STARD6: variants seen among roughly 807,000 people sequenced by gnomAD.
STARD6 encodes the protein stAR-related lipid transfer protein 6.
Under a neutral mutation model 22.3 loss-of-function variants are expected in STARD6, and 21 were observed. That is an observed-to-expected ratio of 0.94 (90% CI 0.67 to 1.35). The LOEUF (loss-of-function observed/expected upper bound fraction) is 1.35. STARD6 is among the 40% of genes most tolerant of loss of function. The probability of loss-of-function intolerance (pLI) is 0.00; values close to 1 mark genes in which losing one functional copy is unlikely to be tolerated. For synonymous variants in STARD6, 80 were observed against 88.1 expected, an observed-to-expected ratio of 0.91 and a Z score of 0.52; for missense variants, 269 against 266.9, an observed-to-expected ratio of 1.01 and a Z score of -0.05.
chr18:54,356,501 ATTTGATAATTT>A (rs2144702700), intron 1 of STARD6, 57 bp from the exon 2 acceptor site: 1 of 152,330 alleles, frequency 6.6e-6, no homozygotes, highest in Admixed American at 6.5e-5. Flanking sequence ...AGGTCAATAT[ATTTGATAATTT>A]TCTTTATATC....
Position 54,324,526 on chromosome 18 carries a change from G to A in STARD6, c.*166C>T, listed in dbSNP as rs764522725. The stretch of plus-strand genomic sequence containing the variant: ...AAACGGTATTTAATGCCATATTCTT[G>A]TACAACTATGAGTTCTTATTTTTAT... On this transcript the variant is annotated 3_prime_UTR_variant, in exon 8 of 8. Coordinates refer to ENST00000307844, the MANE Select transcript of STARD6 (RefSeq NM_139171.2). 11 of 545,518 alleles carry A rather than the reference G, an allele frequency of 2.0e-5. No individual in the cohort carries two copies. The highest frequency in any genetic ancestry group is 1.6e-4 in the African/African-American group (8 of 50,356). The allele number at this position is 545,518 out of a possible 1,614,324, so 33.8% of individuals were successfully genotyped here.
intron 1 of STARD6, chr18:54,357,062 T>C (rs2089154236): frequency 6.6e-6 from 1 of 152,264 alleles, no homozygotes; most frequent in African/African-American, 2.4e-5. Context: ...TACATGGTGG[T>C]GGAACGTCGG....
intron 4 of STARD6, among the ~76,000 whole-genome samples, chr18:54,339,940 A>T (rs145192503): frequency 3.8e-4 from 58 of 152,286 alleles, no homozygotes; most frequent in Middle Eastern, 3.4e-3. Flanking sequence ...TTGACAATAA[A>T]CACAACAGAG....
At chr18:54,353,361 A>C (rs1289320733) in intron 4 of STARD6, among the ~76,000 whole-genome samples, 1 of 152,186 alleles carries the variant, frequency 6.6e-6, no homozygotes, top group East Asian at 1.9e-4. Flanking sequence ...ATACAGAAAA[A>C]AATGCATATT....
At chr18:54,325,800 T>C (rs576681906) in intron 7 of STARD6, among the ~76,000 whole-genome samples, 15 of 152,258 alleles carry the variant, frequency 9.9e-5, no homozygotes, top group African/African-American at 3.6e-4. Flanking sequence ...TCCTCCCACT[T>C]CGGCCTCCCA....
rs184138972 is a variant in STARD6, at chr18:54,331,604, G to A, written c.385+138C>T. The stretch of plus-strand genomic sequence containing the variant: ...GTCACTAGGCATATCTACATGATAC[G>A]TCTAATTGTTGATCCCACTAAGTAA... On this transcript the variant is annotated intron_variant, in intron 6 of 7. Coordinates refer to ENST00000307844, the MANE Select transcript of STARD6 (RefSeq NM_139171.2). The A allele has an allele frequency of 3.6e-5, 23 of 635,986 alleles. No homozygotes were observed. In the Admixed American group the frequency reaches 5.4e-4, roughly 15 times the overall value. The allele number at this position is 635,986 out of a possible 1,614,324, so 39.4% of individuals were successfully genotyped here.
intron 4 of STARD6, among the ~76,000 whole-genome samples, chr18:54,350,571 G>A (rs963599363): frequency 1.3e-5 from 2 of 152,138 alleles, no homozygotes; most frequent in African/African-American, 2.4e-5. Flanking sequence ...CCAATGTCTA[G>A]AAGAGTTTTC....
intron 4 of STARD6, among the ~76,000 whole-genome samples, chr18:54,343,164 G>A (rs1683732113): frequency 2.5e-5 from 1 of 40,778 alleles, no homozygotes; most frequent in Admixed American, 1.7e-4. Flanking sequence ...CCCCGTCTGG[G>A]AGGTGAGGAG....
intron 4 of STARD6, among the ~76,000 whole-genome samples, chr18:54,339,762 A>C (rs1327280958): frequency 6.6e-6 from 1 of 152,232 alleles, no homozygotes; most frequent in East Asian, 1.9e-4. Flanking sequence ...GACACAAAAT[A>C]GTAAGTCAAA....
chr18:54,343,984 G>A (rs1168156968), intron 4 of STARD6, among the ~76,000 whole-genome samples: 4 of 50,410 alleles, frequency 7.9e-5, no homozygotes, highest in East Asian at 5.0e-4. Context: ...CAGCTGCCCC[G>A]TCCGGGAGGT....
intron 4 of STARD6, among the ~76,000 whole-genome samples, chr18:54,343,677 G>T (rs1433737411): frequency 7.9e-5 from 3 of 38,166 alleles, no homozygotes; most frequent in Non-Finnish European, 1.5e-4. Context: ...GAGGTGGGGG[G>T]GTCGGCCCCC....
chr18:54,324,867 G>T lies in STARD6; in HGVS notation c.488C>A (p.Ala163Glu). The change falls in exon 8 of 8, where the codon GCA becomes GAA. Residue 163 changes from alanine (A) to glutamate (E), a missense_variant. By Grantham distance (107) the Ala-to-Glu change is moderately radical (BLOSUM62 -1). Coordinates refer to ENST00000307844, the MANE Select transcript of STARD6 (RefSeq NM_139171.2). ...GACAAACATCACTAGTTTGGAATAT[G>T]CTGGGTTTCTGTAAGCAAAAGAAGA... The part of the protein sequence containing the change: ...FVCSPMEENP[A>E]YSKLVMFVQT... 1.9e-6 allele frequency: 3 copies of T among 1,538,636 alleles called. No individual in the cohort carries two copies. The highest frequency in any genetic ancestry group is 2.4e-5 in the East Asian group (1 of 42,356).
At chr18:54,338,923 C>T (rs901148237) in intron 4 of STARD6, among the ~76,000 whole-genome samples, 1 of 151,702 alleles carries the variant, frequency 6.6e-6, no homozygotes, top group African/African-American at 2.4e-5. Flanking sequence ...TGGCATGTGC[C>T]TGTCATCCCA....
intron 3 of STARD6, 163 bp from the exon 4 acceptor site, chr18:54,354,266 G>T: frequency 3.2e-6 from 2 of 629,592 alleles, no homozygotes; most frequent in East Asian, 5.5e-5. Context: ...TGCCCAGTCT[G>T]TAGTGTACTG....
At position 54,355,350 on chromosome 18, in the gene STARD6, C is replaced by A. The variant is rs80177943; in HGVS notation, c.-4-773G>T. On this transcript the variant is annotated intron_variant, in intron 2 of 7. Coordinates refer to ENST00000307844, the MANE Select transcript of STARD6 (RefSeq NM_139171.2). ...AGTTTAAATCAACTCAATTTAAACACATTGAACCCTGCTTGAAGTTAGAAA... is the reference window on the plus strand; with the variant it reads ...AGTTTAAATCAACTCAATTTAAACAAATTGAACCCTGCTTGAAGTTAGAAA... Among the ~76,000 whole-genome samples, 269 of 152,218 alleles carry A rather than the reference C, an allele frequency of 1.8e-3. 1 individual carries two copies. The highest frequency in any genetic ancestry group is 5.8e-3 in the African/African-American group (242 of 41,540).
In STARD6 at chr18:54,327,789, C is replaced by G. The variant is rs190293014; in HGVS notation, c.479+1558G>C. 2.4e-3 allele frequency among the ~76,000 whole-genome samples: 360 copies of G among 152,012 alleles called. 1 individual carries two copies. The highest frequency in any genetic ancestry group is 2.5e-3 in the Non-Finnish European group (171 of 67,942). On this transcript the variant is annotated intron_variant, in intron 7 of 7. Coordinates refer to ENST00000307844, the MANE Select transcript of STARD6 (RefSeq NM_139171.2). ...TAGTGTGAGCGTCCATTTTCTTATA[C>G]TTTTCTCTATGCAGGGTTTATACTA...
At chr18:54,342,423 G>C (rs939220996) in intron 4 of STARD6, among the ~76,000 whole-genome samples, 16 of 118,220 alleles carry the variant, frequency 1.4e-4, no homozygotes, top group African/African-American at 5.5e-4. Context: ...AATGCTCTCC[G>C]TCTCCCTCTC....
rs548932287 is a variant in STARD6 at position 54,345,040 on chromosome 18, C to A, written c.141-7789G>T. Among the ~76,000 whole-genome samples, 3 of 152,246 alleles carry A rather than the reference C, an allele frequency of 2.0e-5. No homozygotes were observed. In the East Asian group the frequency reaches 5.8e-4, roughly 29 times the overall value. ...GCTATTAAACATTGTATTGGAGGTA[C>A]TAGCCCAGGCAGTTAGGTTAGAAAA... On this transcript the variant is annotated intron_variant, in intron 4 of 7. Coordinates refer to ENST00000307844, the MANE Select transcript of STARD6 (RefSeq NM_139171.2).
At chr18:54,332,726 G>A (rs1006633813) in intron 5 of STARD6, among the ~76,000 whole-genome samples, 1 of 152,154 alleles carries the variant, frequency 6.6e-6, no homozygotes, top group African/African-American at 2.4e-5. Flanking sequence ...CTCACCAGTA[G>A]GTTGAAGAGG....
Sources: gnomAD v4.1 joint callset for allele counts (sites outside exome capture counted in the v4.1 genomes callset) on GRCh38, gnomAD v4.1.1 for gene constraint, MANE v1.5 for transcripts, NCBI Gene and HGNC (gene_info 2026-07-23, HGNC 2026-07-21) for gene names.